Variants in PER1 observed in about 807,000 individuals in gnomAD.
PER1 encodes period circadian regulator 1.
A neutral mutation model predicts 125.9 loss-of-function variants in PER1; 87 were observed. The observed-to-expected ratio is 0.69, with a 90% confidence interval of 0.58 to 0.83. The LOEUF (loss-of-function observed/expected upper bound fraction) is 0.83. PER1 is among the 40% of genes least tolerant of loss of function. The probability of loss-of-function intolerance (pLI) is 0.00; values close to 1 mark genes in which losing one functional copy is unlikely to be tolerated. For synonymous variants in PER1, 801 were observed against 714.7 expected (o/e 1.12, Z -1.93); for missense variants, 1,775 against 1,722.8 (o/e 1.03, Z -0.54).
At position 8,144,790 on chromosome 17, in the gene PER1, C is replaced by CAAT; in HGVS notation, c.2421_2422insATT (p.Leu807_Asp808insIle). 6.3e-7 allele frequency: 1 copy of CAAT among 1,582,400 alleles called. No homozygotes were observed. Among genetic ancestry groups the CAAT allele is most frequent in the Non-Finnish European group, 8.6e-7 (1 of 1,164,632 alleles). On this transcript the variant is annotated inframe_insertion, in exon 18 of 23. Coordinates refer to ENST00000317276, the MANE Select transcript of PER1 (RefSeq NM_002616.3). The stretch of plus-strand genomic sequence containing the variant: ...GCTGAGGGAGCTGTGGAAGAGCTGT[C>CAAT]GAGTCCACGCAGCCTGCCCAGGTCT...
Position 8,148,095 on chromosome 17 carries a change from G to A in PER1, c.1136C>T (p.Pro379Leu). The A allele has an allele frequency of 1.2e-6, 2 of 1,612,410 alleles. No individual in the cohort carries two copies. The highest frequency in any genetic ancestry group is 1.7e-6 in the Non-Finnish European group (2 of 1,179,334). Residue 379 changes from proline (P) to leucine (L), a missense_variant, in exon 10 of 23, where the codon CCC becomes CTC. Pro to Leu is a moderately conservative substitution (Grantham distance 98). Coordinates refer to ENST00000317276, the MANE Select transcript of PER1 (RefSeq NM_002616.3). Reference protein sequence around the residue: ...LFQDVDERAAPLLGYLPQDLL... With the variant: ...LFQDVDERAALLLGYLPQDLL... Reference sequence around the variant, plus strand: ...GTCCTGGGGCAGGTAGCCCAGCAGGGGGGCAGCCCTGAACGGGAAGGAGGC... The same window carrying A: ...GTCCTGGGGCAGGTAGCCCAGCAGGAGGGCAGCCCTGAACGGGAAGGAGGC...
chr17:8,145,448 C>T lies in PER1; in HGVS notation c.2219-455G>A, dbSNP rs181245513. On this transcript the variant is annotated intron_variant, in intron 17 of 22. Coordinates refer to ENST00000317276, the MANE Select transcript of PER1 (RefSeq NM_002616.3). ...AAGCGATTCTCCTGTCCCAGCCTCC[C>T]GAGTAGCTGGGACTACAGGCGCGCG... Among the ~76,000 whole-genome samples the T allele has an allele frequency of 2.5e-4, 38 of 151,808 alleles. 1 individual carries two copies. In the East Asian group the frequency reaches 6.8e-3, roughly 27 times the overall value.
Position 8,141,899 on chromosome 17 carries a change from T to C in PER1, c.3506A>G (p.Gln1169Arg). Residue 1169 changes from glutamine (Q) to arginine (R), a missense_variant, in exon 22 of 23, where the codon CAG becomes CGG. Transcript: ENST00000317276. ...DRERLRAMQK[Q>R]QPRFSEDQRR... ...CTGGTCCTCAGAAAACCGAGGCTGC[T>C]GCTTCTGCATGGCTCGGAGCCGCTC... is the stretch of plus-strand genomic sequence containing the variant. 2 of 1,614,196 alleles carry C rather than the reference T, an allele frequency of 1.2e-6. No individual in the cohort carries two copies.
In PER1 at chr17:8,143,783, G is replaced by A. The variant is rs778854573; in HGVS notation, c.2555C>T (p.Ala852Val). ...TGAGGGGTGTGAGACATAGCAGGGC[G>A]CTTCAGCCCGAGGGTTCTGGTGGTG... The part of the protein sequence containing the change: ...SRHHQNPRAE[A>V]PCYVSHPSPV... Residue 852 changes from alanine to valine, a missense_variant, in exon 19 of 23, where the codon GCG becomes GTG. Coordinates refer to ENST00000317276, the MANE Select transcript of PER1 (RefSeq NM_002616.3). 1.5e-5 allele frequency: 24 copies of A among 1,607,536 alleles called. No individual in the cohort carries two copies. Among genetic ancestry groups the A allele is most frequent in the East Asian group, 8.9e-5 (4 of 44,724 alleles).
In PER1 at chr17:8,148,626, G is replaced by C. The variant is rs1982612707; in HGVS notation, c.1048+18C>G. On this transcript the variant is annotated intron_variant, in intron 8 of 22. Transcript: ENST00000317276. ...CTTCCTCCCAGCCCCCACCAGGCCA[G>C]GGCCCTGACCTGCCCACCTTCGTAA... 6.3e-6 allele frequency: 10 copies of C among 1,585,374 alleles called. No homozygotes were observed. Among genetic ancestry groups the C allele is most frequent in the Middle Eastern group, 1.7e-4 (1 of 5,930 alleles).
At position 8,140,837 on chromosome 17, in the gene PER1, G is replaced by C; in HGVS notation, c.*231C>G. 1 of 507,446 alleles carries C rather than the reference G, an allele frequency of 2.0e-6. No homozygotes were observed. Among genetic ancestry groups the C allele is most frequent in the Non-Finnish European group, 3.5e-6 (1 of 282,726 alleles). The allele number at this position is 507,446 out of a possible 1,614,324, so 31.4% of individuals were successfully genotyped here. On this transcript the variant is annotated 3_prime_UTR_variant, in exon 23 of 23. Coordinates refer to ENST00000317276, the MANE Select transcript of PER1 (RefSeq NM_002616.3). The stretch of plus-strand genomic sequence containing the variant: ...GGGGAGGGAAGGATTCCTCTCCAAA[G>C]GTGGGAGGTGACACTCCTCTGGGCT...
intron 7 of PER1, 192 bp from the exon 8 acceptor site, chr17:8,148,978 C>G (rs1379914404): frequency 3.0e-6 from 2 of 661,148 alleles, no homozygotes; most frequent in Non-Finnish European, 5.1e-6. Flanking sequence ...CACCTGAGGT[C>G]AGGAGTTCGA....
chr17:8,140,838 G>T lies in PER1; in HGVS notation c.*230C>A. The T allele has an allele frequency of 2.0e-6, 1 of 508,308 alleles. No individual in the cohort carries two copies. Among genetic ancestry groups the T allele is most frequent in the East Asian group, 3.0e-5 (1 of 33,740 alleles). 31.5% of individuals were successfully genotyped at this position (508,308 alleles called of 1,614,324 possible). ...GGGAGGGAAGGATTCCTCTCCAAAG[G>T]TGGGAGGTGACACTCCTCTGGGCTG... On this transcript the variant is annotated 3_prime_UTR_variant, in exon 23 of 23. Coordinates refer to ENST00000317276, the MANE Select transcript of PER1 (RefSeq NM_002616.3).
chr17:8,146,268 G>A (rs1051760313), intron 16 of PER1, 104 bp downstream of exon 16: 16 of 1,521,006 alleles, frequency 1.1e-5, no homozygotes, highest in Admixed American at 8.2e-5. Context: ...GGAGGCTGGG[G>A]AGGAGAGCAG....
intron 16 of PER1, 45 bp downstream of exon 16, chr17:8,146,327 C>T (rs781344894): frequency 1.9e-6 from 3 of 1,556,370 alleles, no homozygotes; most frequent in South Asian, 2.5e-5. Context: ...ACAGGGCCAC[C>T]AGGCCAGGAC....
In PER1 at chr17:8,141,906, G is replaced by A; in HGVS notation, c.3499C>T (p.Gln1167Ter). 2 of 1,614,142 alleles carry A rather than the reference G, an allele frequency of 1.2e-6. No individual in the cohort carries two copies. Among genetic ancestry groups the A allele is most frequent in the Non-Finnish European group, 1.7e-6 (2 of 1,180,042 alleles). The change falls in exon 22 of 23, where the codon CAG (glutamine) becomes TAG (stop). Residue 1167 changes from glutamine to a stop codon, truncating the protein, a stop_gained. Coordinates refer to ENST00000317276, the MANE Select transcript of PER1 (RefSeq NM_002616.3). LOFTEE classifies it high-confidence loss of function. ...KQDRERLRAM[Q>*]KQQPRFSEDQ... ...TCAGAAAACCGAGGCTGCTGCTTCT[G>A]CATGGCTCGGAGCCGCTCCCGATCC...
rs1982259170 is a variant in PER1, at chr17:8,143,871, G to A, written c.2467C>T (p.His823Tyr). ...APSALGERGC[H>Y]HGPAPPSRRH... ...CGGCTTGGGGGTGCGGGGCCGTGGT[G>A]GCAGCCTGTGGGGAGAGACTAGGGT... is the stretch of plus-strand genomic sequence containing the variant. The change falls in exon 19 of 23, where the codon CAC becomes TAC. Residue 823 changes from histidine to tyrosine, a missense_variant. Coordinates refer to ENST00000317276, the MANE Select transcript of PER1 (RefSeq NM_002616.3). 6.2e-7 allele frequency: 1 copy of A among 1,607,700 alleles called. No individual in the cohort carries two copies. The highest frequency in any genetic ancestry group is 8.5e-7 in the Non-Finnish European group (1 of 1,178,408).
rs781738926 is a variant in PER1 at position 8,149,621 on chromosome 17, C to T, written c.694G>A (p.Val232Ile). 74 of 1,611,624 alleles carry T rather than the reference C, an allele frequency of 4.6e-5. No individual in the cohort carries two copies. Among genetic ancestry groups the T allele is most frequent in the Middle Eastern group, 1.6e-4 (1 of 6,078 alleles). Residue 232 changes from valine (V) to isoleucine (I), a missense_variant, in exon 6 of 23, where the codon GTC (valine) becomes ATC (isoleucine). By Grantham distance (29) the Val-to-Ile change is conservative. Transcript: ENST00000317276. Reference protein sequence around the residue: ...VAVSFLTGRIVYISEQAAVLL... With the variant: ...VAVSFLTGRIIYISEQAAVLL... ...ACGGCTGCCTGCTCCGAAATGTAGA[C>T]GATTCGGCCCGTCAGGAAGGAGACA...
rs763813449 is a variant in PER1 at position 8,144,900 on chromosome 17, T to A, written c.2312A>T (p.Asp771Val). The A allele has an allele frequency of 5.1e-6, 8 of 1,554,566 alleles. No homozygotes were observed. In the South Asian group the frequency reaches 8.5e-5, roughly 16 times the overall value. Reference protein sequence around the residue: ...SPTVAPDPAPDAYRPVGLTKA... With the variant: ...SPTVAPDPAPVAYRPVGLTKA... ...GGTCAGCCCCACTGGACGGTAGGCGTCTGGGGCTGGGTCAGGGGCTACTGT... is the reference window on the plus strand; with the variant it reads ...GGTCAGCCCCACTGGACGGTAGGCGACTGGGGCTGGGTCAGGGGCTACTGT... The change falls in exon 18 of 23, where the codon GAC becomes GTC. Residue 771 changes from aspartate (D) to valine (V), a missense_variant. By Grantham distance (152) the Asp-to-Val change is radical. Transcript: ENST00000317276.
At position 8,149,495 on chromosome 17, in the gene PER1, G is replaced by A. The variant is rs762584381; in HGVS notation, c.820C>T (p.Arg274Cys). 29 of 1,613,576 alleles carry A rather than the reference G, an allele frequency of 1.8e-5. No individual in the cohort carries two copies. Among genetic ancestry groups the A allele is most frequent in the Admixed American group, 3.3e-5 (2 of 60,008 alleles). The change falls in exon 6 of 23, where the codon CGC becomes TGC. Residue 274 changes from arginine to cysteine, a missense_variant. Transcript: ENST00000317276. ...GVFYGSTAPSRLPTWGTGASA... is the reference protein window; with the variant it reads ...GVFYGSTAPSCLPTWGTGASA... ...GCCCCTGTGCCCCAGGTGGGCAGGC[G>A]AGATGGAGCAGTGGAACCATAGAAG...
At chr17:8,142,974 C>T in intron 19 of PER1, 139 bp from the exon 20 acceptor site, 1 of 682,604 alleles carries the variant, frequency 1.5e-6, no homozygotes. Context: ...TAGGGCCAGG[C>T]TGAGAGAGAA....
At position 8,146,412 on chromosome 17, in the gene PER1, G is replaced by C. The variant is rs986165733; in HGVS notation, c.1998C>G (p.Asp666Glu). ...CAGAGACTGGACCTGTCCTCTGCCT[G>C]TCGTCGTCAGAGGCTGAGGAGGTGG... The part of the protein sequence containing the change: ...SYTTSSASDD[D>E]RQRTGPVSVG... Residue 666 changes from aspartate (D) to glutamate (E), a missense_variant, in exon 16 of 23, where the codon GAC (aspartate) becomes GAG (glutamate). By Grantham distance (45) the Asp-to-Glu change is conservative. Coordinates refer to ENST00000317276, the MANE Select transcript of PER1 (RefSeq NM_002616.3). 2 of 1,613,200 alleles carry C rather than the reference G, an allele frequency of 1.2e-6. No homozygotes were observed. The highest frequency in any genetic ancestry group is 1.1e-5 in the South Asian group (1 of 90,926).
At position 8,150,118 on chromosome 17, in the gene PER1, G is replaced by A. The variant is rs1185978972; in HGVS notation, c.382C>T (p.Gln128Ter). Residue 128 changes from glutamine to a stop codon, truncating the protein, a stop_gained, in exon 4 of 23, where the codon CAG becomes TAG. Coordinates refer to ENST00000317276, the MANE Select transcript of PER1 (RefSeq NM_002616.3). LOFTEE classifies it high-confidence loss of function. ...NPSTSGCSSE[Q>*]SARARTQKEL... The stretch of plus-strand genomic sequence containing the variant: ...TTCTGAGTCCTTGCCCGGGCTGACT[G>A]TTCACTGCTGCGGGGCCCACAGGGA... 6.2e-7 allele frequency: 1 copy of A among 1,614,086 alleles called. No homozygotes were observed. Among genetic ancestry groups the A allele is most frequent in the Non-Finnish European group, 8.5e-7 (1 of 1,179,920 alleles).
chr17:8,148,291 CG>C (rs1174790384), intron 8 of PER1, 32 bp from the exon 9 acceptor site: 2 of 1,574,412 alleles, frequency 1.3e-6, no homozygotes, highest in African/African-American at 2.7e-5. Flanking sequence ...CACTGGGTTT[CG>C]TCCAGAATGC....
Sources: allele counts gnomAD v4.1 joint callset (sites outside exome capture counted in the v4.1 genomes callset), GRCh38; gene constraint gnomAD v4.1.1; transcripts MANE v1.5; gene names NCBI Gene and HGNC (gene_info 2026-07-23, HGNC 2026-07-21).